The following IFT140 variants were observed in gnomAD, a reference collection of about 807,000 sequenced individuals.
IFT140 encodes intraflagellar transport 140, also known as intraflagellar transport protein 140 homolog.
A neutral mutation model predicts 164.6 loss-of-function variants in IFT140; 133 were observed. The observed-to-expected ratio is 0.81, with a 90% CI of 0.70 to 0.93. IFT140 has a LOEUF of 0.93. Among genes scored for constraint, IFT140 ranks in the 40% least tolerant of loss-of-function variants. The pLI is 0.00. For synonymous variants in IFT140, 860 were observed against 817.3 expected, an observed-to-expected ratio of 1.05 and a Z score of -0.89; for missense variants, 2,045 against 1,972.3, an observed-to-expected ratio of 1.04 and a Z score of -0.70.
At chr16:1,550,846 T>C (rs2032576039) in intron 19 of IFT140, among the ~76,000 whole-genome samples, 1 of 152,196 alleles carries the variant, frequency 6.6e-6, no homozygotes, top group Admixed American at 6.5e-5. Flanking sequence ...GCCCTAGCCG[T>C]CTCTGTGGCT....
intron 30 of IFT140, among the ~76,000 whole-genome samples, chr16:1,511,370 A>C (rs538279374): frequency 6.6e-6 from 1 of 152,326 alleles, no homozygotes; most frequent in South Asian, 2.1e-4. Context: ...TGGACACTCA[A>C]CAGGAAGCTT....
chr16:1,574,746 G>A (rs2034190565), intron 13 of IFT140, among the ~76,000 whole-genome samples: 2 of 150,748 alleles, frequency 1.3e-5, no homozygotes, highest in East Asian at 1.9e-4. Flanking sequence ...CCCCTTCCAT[G>A]GCACTTGACC....
intron 9 of IFT140, 107 bp from the exon 10 acceptor site, chr16:1,586,382 G>T (rs1176151242): frequency 1.8e-6 from 2 of 1,128,958 alleles, no homozygotes; most frequent in Non-Finnish European, 2.5e-6. Flanking sequence ...CCCTCGCCCA[G>T]TCTGGTGCCT....
At chr16:1,512,838 T>C (rs1040000496) in intron 30 of IFT140, 7 of 152,154 alleles carry the variant, frequency 4.6e-5, no homozygotes, top group African/African-American at 1.7e-4. Context: ...AGGATTAGAC[T>C]TGAGTTGTTT....
At chr16:1,574,531 T>C (rs113165426) in intron 13 of IFT140, among the ~76,000 whole-genome samples, 1 of 152,190 alleles carries the variant, frequency 6.6e-6, no homozygotes, top group Non-Finnish European at 1.5e-5. Context: ...TCCTCCCACC[T>C]GGGCCTCCCA....
At chr16:1,515,530 C>T (rs146348122) in intron 30 of IFT140, among the ~76,000 whole-genome samples, 13 of 152,238 alleles carry the variant, frequency 8.5e-5, no homozygotes, top group African/African-American at 2.4e-4. Context: ...CCTCAGCCTC[C>T]CAAGCAGCCA....
chr16:1,511,261 G>A (rs1030245981), intron 30 of IFT140, 111 bp from the exon 31 acceptor site: 19 of 959,918 alleles, frequency 2.0e-5, no homozygotes, highest in African/African-American at 9.7e-5. Flanking sequence ...GGGTGCCTCC[G>A]CGCTGGAGGA....
intron 19 of IFT140, among the ~76,000 whole-genome samples, chr16:1,530,131 A>ATTTTTTTTTTTTTTTTTTTT (rs2030295926): frequency 1.6e-5 from 2 of 126,538 alleles, no homozygotes; most frequent in African/African-American, 7.4e-5. Context: ...CACGACGGGA[A>ATTTTTTTTTTTTTTTTTTTT]TCTTTTTTTT....
At chr16:1,572,301 T>G (rs1320653752) in intron 13 of IFT140, among the ~76,000 whole-genome samples, 1 of 152,190 alleles carries the variant, frequency 6.6e-6, no homozygotes, top group Admixed American at 6.5e-5. Context: ...AAGCATCACC[T>G]TGGCCTTTCC....
intron 13 of IFT140, chr16:1,579,663 T>C (rs1192180972): frequency 6.6e-6 from 1 of 152,196 alleles, no homozygotes; most frequent in Non-Finnish European, 1.5e-5. Flanking sequence ...GATGCCTGAC[T>C]TTACTCAGAA....
rs75388221 is a variant in IFT140, at chr16:1,518,692, G to C, written c.4041-335C>G. On this transcript the variant is annotated intron_variant, in intron 29 of 30. Coordinates refer to ENST00000426508, the MANE Select transcript of IFT140 (RefSeq NM_014714.4). ...AGGGGATGTGGTGCATGTGGACAGG[G>C]TACACGGAGAGGCGCACGGCACCCC... 2.2e-3 allele frequency among the ~76,000 whole-genome samples: 331 copies of C among 151,962 alleles called. 14 individuals carry two copies. In the East Asian group the frequency reaches 0.06, roughly 28 times the overall value.
At chr16:1,516,170 A>AC (rs2040336307) in intron 30 of IFT140, among the ~76,000 whole-genome samples, 3 of 131,110 alleles carry the variant, frequency 2.3e-5, no homozygotes, top group African/African-American at 3.2e-5. Flanking sequence ...AAAAAAAAAA[A>AC]AAAAAAAACA....
chr16:1,564,218 T>TCTCC lies in IFT140; in HGVS notation c.1902-60_1902-57dup, dbSNP rs2033589803. ...CCAGGGCGGGCACTCCTGCTACCAG[T>TCTCC]CTCCCTCCCACACACATTCCCGAAG... On this transcript the variant is annotated intron_variant, in intron 16 of 30. Coordinates refer to ENST00000426508, the MANE Select transcript of IFT140 (RefSeq NM_014714.4). This position sits in a 1 kb window ranked among gnomAD's most constrained non-coding sequence, Gnocchi z 5.5. 7.5e-6 allele frequency: 11 copies of TCTCC among 1,456,962 alleles called. No individual in the cohort carries two copies. Among genetic ancestry groups the TCTCC allele is most frequent in the Non-Finnish European group, 1.0e-5 (11 of 1,077,216 alleles). The allele number at this position is 1,456,962 out of a possible 1,614,324, so 90.3% of individuals were successfully genotyped here. A position where few individuals can be genotyped will look rare whatever the true frequency, so the allele number is the denominator to read the frequency against.
chr16:1,552,357 T>C (rs1054880024), intron 19 of IFT140, among the ~76,000 whole-genome samples: 1 of 151,450 alleles, frequency 6.6e-6, no homozygotes, highest in Non-Finnish European at 1.5e-5. Context: ...CCCGCTCGCC[T>C]CTGTCTCGGG....
At chr16:1,544,049 G>C (rs1461231152) in intron 19 of IFT140, among the ~76,000 whole-genome samples, 9 of 135,924 alleles carry the variant, frequency 6.6e-5, no homozygotes, top group Non-Finnish European at 1.1e-4. Flanking sequence ...ATGGAGTCTT[G>C]CTCTGTCACC....
chr16:1,567,656 G>A (rs891236469), intron 15 of IFT140, among the ~76,000 whole-genome samples: 62 of 152,370 alleles, frequency 4.1e-4, no homozygotes, highest in African/African-American at 1.4e-3. Flanking sequence ...ATCAGTCACG[G>A]CCCTTGAACA....
At chr16:1,518,167 G>A in intron 30 of IFT140, 49 bp downstream of exon 30, 1 of 1,592,268 alleles carries the variant, frequency 6.3e-7, no homozygotes, top group South Asian at 1.1e-5. Context: ...CTTCGTTTCA[G>A]GAGCCTTGTG....
chr16:1,596,578 G>T lies in IFT140; in HGVS notation c.370-3990C>A, dbSNP rs377304010. On this transcript the variant is annotated intron_variant, in intron 4 of 30. Coordinates refer to ENST00000426508, the MANE Select transcript of IFT140 (RefSeq NM_014714.4). ...GAGATCTCTGCTCAGGAGGATGAAA[G>T]CAAACCCTCGTTCTGAGAGAGGGAC... 1.5e-3 allele frequency among the ~76,000 whole-genome samples: 234 copies of T among 152,282 alleles called. 6 individuals carry two copies. The South Asian group carries it at 0.034, about 22-fold the overall frequency.
At chr16:1,511,499 G>C (rs910005227) in intron 30 of IFT140, among the ~76,000 whole-genome samples, 1 of 152,222 alleles carries the variant, frequency 6.6e-6, no homozygotes, top group Non-Finnish European at 1.5e-5. Context: ...CAGAGGCCCC[G>C]CGTTCTGCAC....
Sources: gnomAD v4.1 joint callset for allele counts (sites outside exome capture counted in the v4.1 genomes callset) on GRCh38, gnomAD v4.1.1 for gene constraint, Gnocchi (gnomAD v3.1) non-coding constraint, MANE v1.5 for transcripts, NCBI Gene and HGNC (gene_info 2026-07-23, HGNC 2026-07-21) for gene names.